PLEKHA7: variants seen among roughly 807,000 people sequenced by gnomAD.
PLEKHA7 encodes pleckstrin homology domain containing A7.
A neutral mutation model predicts 170.0 loss-of-function variants in PLEKHA7; 104 were observed. The ratio of observed to expected loss-of-function variants is 0.61; its 90% confidence interval spans 0.52 to 0.72. The LOEUF is 0.72. PLEKHA7 is among the 30% of genes least tolerant of loss of function. The pLI is 0.00. For synonymous variants in PLEKHA7, 648 were observed against 660.8 expected (o/e 0.98, Z 0.30); for missense variants, 1,615 against 1,671.7 (o/e 0.97, Z 0.59).
chr11:16,812,155 C>A (rs1849412895), intron 13 of PLEKHA7, among the ~76,000 whole-genome samples: 1 of 152,248 alleles, frequency 6.6e-6, no homozygotes, highest in Non-Finnish European at 1.5e-5. Context: ...CTGGGTAACA[C>A]AGCAAGTGTT....
chr11:16,904,749 T>C (rs1857545877), intron 3 of PLEKHA7, among the ~76,000 whole-genome samples: 1 of 152,188 alleles, frequency 6.6e-6, no homozygotes, highest in Non-Finnish European at 1.5e-5. Context: ...AGAATAAAAA[T>C]TCATAAATAT....
In PLEKHA7 at chr11:16,991,690, T is replaced by C. The variant is rs540864178; in HGVS notation, c.221+22299A>G. ...GGGTTGGAGAGGGGACAAGATGACG[T>C]GGGCCTCATGGGCCACGAAGGATTC... On this transcript the variant is annotated intron_variant, in intron 3 of 26. Transcript: ENST00000531066. Among the ~76,000 whole-genome samples the C allele has an allele frequency of 4.6e-5, 7 of 152,242 alleles. No homozygotes were observed. The East Asian group carries it at 1.4e-3, about 29-fold the overall frequency.
chr11:16,911,425 A>C (rs2136157173), intron 3 of PLEKHA7, among the ~76,000 whole-genome samples: 1 of 152,316 alleles, frequency 6.6e-6, no homozygotes, highest in Non-Finnish European at 1.5e-5. Flanking sequence ...AACACCCCAG[A>C]GGGCATCGGA....
At chr11:16,996,363 G>T (rs1162425902) in intron 3 of PLEKHA7, among the ~76,000 whole-genome samples, 1 of 152,170 alleles carries the variant, frequency 6.6e-6, no homozygotes, top group East Asian at 1.9e-4. Flanking sequence ...CCTCAACATG[G>T]AGACAGTAGA....
At chr11:16,905,028 G>A (rs573445346) in intron 3 of PLEKHA7, among the ~76,000 whole-genome samples, 10 of 152,272 alleles carry the variant, frequency 6.6e-5, no homozygotes, top group Admixed American at 5.9e-4. Context: ...CAAAGTGGCA[G>A]ATTACTTGAG....
At chr11:16,922,484 C>T (rs1357428380) in intron 3 of PLEKHA7, among the ~76,000 whole-genome samples, 1 of 152,168 alleles carries the variant, frequency 6.6e-6, no homozygotes, top group Non-Finnish European at 1.5e-5. Flanking sequence ...TTCAATTAAC[C>T]CCTCATTCTC....
chr11:16,973,490 C>A (rs1018527919), intron 3 of PLEKHA7, among the ~76,000 whole-genome samples: 1 of 152,238 alleles, frequency 6.6e-6, no homozygotes, highest in African/African-American at 2.4e-5. Flanking sequence ...TCTCTTGGTG[C>A]CCCTTTTAAA....
intron 13 of PLEKHA7, among the ~76,000 whole-genome samples, chr11:16,805,544 C>T (rs535872286): frequency 6.6e-6 from 1 of 152,176 alleles, no homozygotes; most frequent in East Asian, 1.9e-4. Flanking sequence ...GTAATCCCAG[C>T]ACTTTGGGAG....
At chr11:16,832,332 T>G (rs1025837995) in intron 9 of PLEKHA7, among the ~76,000 whole-genome samples, 5 of 115,356 alleles carry the variant, frequency 4.3e-5, no homozygotes, top group Non-Finnish European at 1.0e-4. Flanking sequence ...GCTACTCTTA[T>G]CATTGACTGG....
chr11:16,807,085 G>A, intron 13 of PLEKHA7: 1 of 832,570 alleles, frequency 1.2e-6, no homozygotes, highest in Non-Finnish European at 1.4e-6. Context: ...GATGAAGTCG[G>A]CACCGAGCCA....
chr11:16,841,673 C>A lies in PLEKHA7; in HGVS notation c.746G>T (p.Gly249Val). ...RALIYNSSTAGSQAEQSGMRT... is the reference protein window; with the variant it reads ...RALIYNSSTAVSQAEQSGMRT... ...CATGCCTGACTGCTCGGCCTGAGAGCCCGCTGTGGAGCTGTTATAGATGAG... is the reference window on the plus strand; with the variant it reads ...CATGCCTGACTGCTCGGCCTGAGAGACCGCTGTGGAGCTGTTATAGATGAG... Residue 249 changes from glycine to valine, a missense_variant, in exon 9 of 27, where the codon GGC (glycine) becomes GTC (valine). Gly to Val is a moderately radical substitution (Grantham distance 109). Transcript: ENST00000531066. 2 of 1,614,154 alleles carry A rather than the reference C, an allele frequency of 1.2e-6. No individual in the cohort carries two copies. The highest frequency in any genetic ancestry group is 1.3e-5 in the African/African-American group (1 of 75,048).
intron 3 of PLEKHA7, among the ~76,000 whole-genome samples, chr11:16,908,487 A>AAT (rs1159556216): frequency 1.4e-5 from 2 of 146,766 alleles, no homozygotes; most frequent in Non-Finnish European, 2.9e-5. Flanking sequence ...AGACTGAGAA[A>AAT]ATAATTTTTT....
intron 8 of PLEKHA7, 127 bp from the exon 9 acceptor site, chr11:16,841,849 C>T (rs1851991973): frequency 6.8e-6 from 6 of 876,650 alleles, no homozygotes; most frequent in Non-Finnish European, 8.5e-6. Context: ...CTTGTTTCCA[C>T]ACCTAGAAAA....
At chr11:16,900,498 T>G (rs941948671) in intron 3 of PLEKHA7, among the ~76,000 whole-genome samples, 1 of 152,218 alleles carries the variant, frequency 6.6e-6, no homozygotes, top group Non-Finnish European at 1.5e-5. Flanking sequence ...ACAAATGACC[T>G]ACAGCATAGA....
At chr11:16,856,049 C>T in intron 4 of PLEKHA7, 135 bp from the exon 5 acceptor site, 1 of 706,134 alleles carries the variant, frequency 1.4e-6, no homozygotes, top group Admixed American at 2.6e-5. Flanking sequence ...GGCTGCCTGA[C>T]TCCAGACTGC....
intron 4 of PLEKHA7, among the ~76,000 whole-genome samples, chr11:16,859,261 G>A (rs759709917): frequency 2.6e-5 from 4 of 152,204 alleles, no homozygotes; most frequent in Non-Finnish European, 4.4e-5. Flanking sequence ...AACAAGATCA[G>A]CCTTCAGAGG....
chr11:17,013,919 GC>G, intron 3 of PLEKHA7, 69 bp downstream of exon 3: 1 of 1,451,398 alleles, frequency 6.9e-7, no homozygotes, highest in Non-Finnish European at 9.1e-7. Flanking sequence ...AGGGCGGGGC[GC>G]CCGGCGGGAA....
At chr11:16,897,591 G>C (rs1357666846) in intron 3 of PLEKHA7, among the ~76,000 whole-genome samples, 1 of 152,162 alleles carries the variant, frequency 6.6e-6, no homozygotes, top group African/African-American at 2.4e-5. Context: ...GCCACCCGCA[G>C]AGAAGGTGTA....
intron 3 of PLEKHA7, among the ~76,000 whole-genome samples, chr11:17,011,257 G>C (rs1365093885): frequency 6.6e-6 from 1 of 152,186 alleles, no homozygotes; most frequent in Non-Finnish European, 1.5e-5. Flanking sequence ...ACGCTAGTGA[G>C]ATGCAGGCCA....
Sources: gnomAD v4.1 joint callset for allele counts (sites outside exome capture counted in the v4.1 genomes callset) on GRCh38, gnomAD v4.1.1 for gene constraint, MANE v1.5 for transcripts, NCBI Gene and HGNC (gene_info 2026-07-23, HGNC 2026-07-21) for gene names.